Variants in ALK observed in about 807,000 individuals in gnomAD.
The protein encoded by ALK is ALK tyrosine kinase receptor.
A neutral mutation model predicts 163.1 loss-of-function variants in ALK; 74 were observed. The ratio of observed to expected loss-of-function variants is 0.45; its 90% CI spans 0.38 to 0.55. ALK has a LOEUF of 0.55. ALK is among the 20% of genes least tolerant of loss of function. The pLI, the probability that ALK is intolerant of heterozygous loss-of-function variation, is 0.00. For synonymous variants in ALK, 960 were observed against 843.2 expected, an observed-to-expected ratio of 1.14 and a Z score of -2.40; for missense variants, 2,063 against 2,105.3, an observed-to-expected ratio of 0.98 and a Z score of 0.39.
At chr2:29,641,043 C>T (rs772995911) in intron 3 of ALK, among the ~76,000 whole-genome samples, 7 of 151,936 alleles carry the variant, frequency 4.6e-5, no homozygotes, top group Non-Finnish European at 1.5e-5. Context: ...TTGGCGGGGG[C>T]AGTGATGGTG....
chr2:29,706,495 C>A (rs1487722262), intron 2 of ALK, among the ~76,000 whole-genome samples: 1 of 152,198 alleles, frequency 6.6e-6, no homozygotes, highest in Non-Finnish European at 1.5e-5. Flanking sequence ...TCCTTCCCAC[C>A]AGCCTGCTCC....
intron 1 of ALK, among the ~76,000 whole-genome samples, chr2:29,829,279 T>C (rs1402538171): frequency 1.3e-5 from 2 of 150,944 alleles, no homozygotes; most frequent in Non-Finnish European, 2.9e-5. Flanking sequence ...AACCTGCACG[T>C]TGTGCTCATG....
chr2:29,281,012 G>A (rs971359051), intron 9 of ALK, among the ~76,000 whole-genome samples: 9 of 152,096 alleles, frequency 5.9e-5, no homozygotes, highest in Admixed American at 2.6e-4. Flanking sequence ...TCCATTCTGG[G>A]ATTGAAGAAA....
chr2:29,357,640 C>A (rs1046415619), intron 5 of ALK, among the ~76,000 whole-genome samples: 2 of 152,192 alleles, frequency 1.3e-5, no homozygotes, highest in Non-Finnish European at 2.9e-5. Context: ...CCATCTCCCC[C>A]ACCTGTCTGT....
chr2:29,812,724 C>T (rs568976841), intron 1 of ALK, among the ~76,000 whole-genome samples: 2 of 152,232 alleles, frequency 1.3e-5, no homozygotes, highest in Non-Finnish European at 2.9e-5. Context: ...GTCACCTGTC[C>T]GGAGACCTCC....
chr2:29,914,717 AT>A (rs1667787443), intron 1 of ALK, among the ~76,000 whole-genome samples: 1 of 152,202 alleles, frequency 6.6e-6, no homozygotes. Flanking sequence ...AGCCCTGGCT[AT>A]TGCCCACCAA....
In ALK at chr2:29,476,899, C is replaced by T. The variant is rs1000762816; in HGVS notation, c.1154+55016G>A. 1.2e-4 allele frequency among the ~76,000 whole-genome samples: 18 copies of T among 152,314 alleles called. 1 individual carries two copies. The South Asian group carries it at 2.9e-3, about 25-fold the overall frequency. The stretch of plus-strand genomic sequence containing the variant: ...TACTAATGACTCTCTGGGTATTGAT[C>T]ACCTTGCCCTTTTATCGTTGGTTGA... On this transcript the variant is annotated intron_variant, in intron 4 of 28. Coordinates refer to ENST00000389048, the MANE Select transcript of ALK (RefSeq NM_004304.5).
intron 1 of ALK, among the ~76,000 whole-genome samples, chr2:29,727,465 A>T (rs1391399751): frequency 1.3e-5 from 2 of 152,216 alleles, no homozygotes; most frequent in Non-Finnish European, 2.9e-5. Context: ...CAGATACAGC[A>T]GTGTTACTGC....
At chr2:29,516,201 T>A (rs1215075138) in intron 4 of ALK, among the ~76,000 whole-genome samples, 5 of 152,190 alleles carry the variant, frequency 3.3e-5, no homozygotes, top group Non-Finnish European at 7.3e-5. Context: ...ATTTTACCTA[T>A]GAATAGAATG....
intron 4 of ALK, among the ~76,000 whole-genome samples, chr2:29,415,507 G>A (rs750719282): frequency 2.6e-5 from 4 of 152,158 alleles, no homozygotes; most frequent in African/African-American, 4.8e-5. Context: ...TGGAGACCGT[G>A]AGCAAGGAGT....
chr2:29,244,622 G>A (rs1225648744), intron 12 of ALK, among the ~76,000 whole-genome samples: 1 of 152,190 alleles, frequency 6.6e-6, no homozygotes, highest in Non-Finnish European at 1.5e-5. Flanking sequence ...CCCTCGCTCT[G>A]CAGATGGAGC....
intron 1 of ALK, among the ~76,000 whole-genome samples, chr2:29,762,532 A>G (rs1449601172): frequency 6.6e-6 from 1 of 152,226 alleles, no homozygotes; most frequent in East Asian, 1.9e-4. Context: ...AAATCATTAT[A>G]CCAGATCCAT....
At chr2:29,699,698 C>CT (rs1298317142) in intron 2 of ALK, among the ~76,000 whole-genome samples, 2 of 152,138 alleles carry the variant, frequency 1.3e-5, no homozygotes, top group Non-Finnish European at 2.9e-5. Flanking sequence ...AGATCTTGAC[C>CT]TTTTTTTGTT....
rs535353272 is a variant in ALK at position 29,660,211 on chromosome 2, C to T, written c.952+34639G>A. ...CTTGGGCCCAGGGCCCAGTCAGACT[C>T]TGCACCCACAGACACGCTTCTTGAC... On this transcript the variant is annotated intron_variant, in intron 3 of 28. Coordinates refer to ENST00000389048, the MANE Select transcript of ALK (RefSeq NM_004304.5). 2.6e-5 allele frequency among the ~76,000 whole-genome samples: 4 copies of T among 152,018 alleles called. No individual in the cohort carries two copies. In the South Asian group the frequency reaches 8.3e-4, roughly 32 times the overall value.
At chr2:29,698,362 G>T (rs1678634129) in intron 2 of ALK, among the ~76,000 whole-genome samples, 1 of 152,220 alleles carries the variant, frequency 6.6e-6, no homozygotes, top group Non-Finnish European at 1.5e-5. Context: ...GCCATGAAAT[G>T]TAACTCCTCT....
At chr2:29,293,702 T>C (rs1255705662) in intron 9 of ALK, among the ~76,000 whole-genome samples, 1 of 151,926 alleles carries the variant, frequency 6.6e-6, no homozygotes, top group Admixed American at 6.6e-5. Context: ...AGAGAAAGAA[T>C]GGTTTAAGAA....
At chr2:29,830,732 A>C (rs1572415893) in intron 1 of ALK, among the ~76,000 whole-genome samples, 1 of 130,814 alleles carries the variant, frequency 7.6e-6, no homozygotes, top group Non-Finnish European at 1.6e-5. Context: ...AAAAAAAAAA[A>C]AAAAAAAAAA....
chr2:29,349,360 G>A (rs568883703), intron 5 of ALK, among the ~76,000 whole-genome samples: 1 of 152,284 alleles, frequency 6.6e-6, no homozygotes, highest in South Asian at 2.1e-4. Flanking sequence ...GCCTCATCAG[G>A]GGAAAGTCAT....
At chr2:29,593,480 C>T (rs955577051) in intron 3 of ALK, among the ~76,000 whole-genome samples, 1 of 152,194 alleles carries the variant, frequency 6.6e-6, no homozygotes, top group Non-Finnish European at 1.5e-5. Context: ...ATTCTATACC[C>T]TGTATTTCCC....
Sources: gnomAD v4.1 joint callset for allele counts (sites outside exome capture counted in the v4.1 genomes callset) on GRCh38, gnomAD v4.1.1 for gene constraint, MANE v1.5 for transcripts, NCBI Gene and HGNC (gene_info 2026-07-23, HGNC 2026-07-21) for gene names.